The following HMCN1 variants were observed in gnomAD, a reference collection of about 807,000 sequenced individuals.
HMCN1 encodes hemicentin 1.
Under a neutral mutation model 625.9 loss-of-function variants are expected in HMCN1, and 321 were observed. The observed-to-expected ratio is 0.51, with a 90% CI of 0.47 to 0.56. HMCN1 has a LOEUF of 0.56. Among genes scored for constraint, HMCN1 ranks in the 20% least tolerant of loss-of-function variants. The pLI is 0.00. For synonymous variants in HMCN1, 2,425 were observed against 2,417.6 expected (o/e 1.00, Z -0.09); for missense variants, 6,588 against 6,887.3 (o/e 0.96, Z 1.54).
chr1:186,158,569 G>A (rs1384523726), intron 97 of HMCN1, among the ~76,000 whole-genome samples: 1 of 152,082 alleles, frequency 6.6e-6, no homozygotes, highest in Non-Finnish European at 1.5e-5. Flanking sequence ...ATGGTTTTAG[G>A]TCTAACGTTT....
intron 68 of HMCN1, among the ~76,000 whole-genome samples, chr1:186,100,722 A>G (rs562350992): frequency 6.6e-6 from 1 of 152,294 alleles, no homozygotes; most frequent in South Asian, 2.1e-4. Flanking sequence ...CAGAGTTGAA[A>G]TATGGTGGGT....
intron 83 of HMCN1, 98 bp from the exon 84 acceptor site, chr1:186,129,868 C>A: frequency 6.9e-7 from 1 of 1,440,614 alleles, no homozygotes; most frequent in Non-Finnish European, 9.7e-7. Context: ...GGTTCAATTG[C>A]TGACCAACTC....
chr1:185,946,078 G>A (rs1397884703), intron 11 of HMCN1, among the ~76,000 whole-genome samples: 1 of 152,200 alleles, frequency 6.6e-6, no homozygotes, highest in African/African-American at 2.4e-5. Flanking sequence ...GAAGGAAGAA[G>A]TGTGGGAGTC....
In HMCN1 at chr1:185,846,116, G is replaced by A; in HGVS notation, c.339+20G>A. On this transcript the variant is annotated intron_variant, in intron 2 of 106. Coordinates refer to ENST00000271588, the MANE Select transcript of HMCN1 (RefSeq NM_031935.3). ...GTTCAGGTGAGTGCTTGCTTTCAGTGTTCTCTTGGGGGAATGGAAAATCAT... is the reference window on the plus strand; with the variant it reads ...GTTCAGGTGAGTGCTTGCTTTCAGTATTCTCTTGGGGGAATGGAAAATCAT... 6.5e-7 allele frequency: 1 copy of A among 1,538,546 alleles called. No individual in the cohort carries two copies. Among genetic ancestry groups the A allele is most frequent in the Non-Finnish European group, 9.0e-7 (1 of 1,111,662 alleles).
intron 46 of HMCN1, among the ~76,000 whole-genome samples, chr1:186,057,827 A>G (rs1657440915): frequency 6.6e-6 from 1 of 152,004 alleles, no homozygotes; most frequent in Non-Finnish European, 1.5e-5. Context: ...ACATTTCTAA[A>G]ATGGGTAGTT....
At chr1:186,130,826 C>A (rs1010154296) in intron 85 of HMCN1, 129 bp downstream of exon 85, 34 of 895,320 alleles carry the variant, frequency 3.8e-5, no homozygotes, top group Admixed American at 1.4e-4. Context: ...CAAATAACTC[C>A]TTTTAAAAAA....
At chr1:185,872,548 G>A (rs184586844) in intron 4 of HMCN1, among the ~76,000 whole-genome samples, 11 of 152,156 alleles carry the variant, frequency 7.2e-5, no homozygotes, top group African/African-American at 2.4e-4. Context: ...ACAAATGTTG[G>A]GGGGAGAGGA....
chr1:186,045,853 G>T lies in HMCN1; in HGVS notation c.6470G>T (p.Ser2157Ile), dbSNP rs761567518. The part of the protein sequence containing the change: ...KPGLSISENR[S>I]VLKIEDAQVQ... The stretch of plus-strand genomic sequence containing the variant: ...GGCCTCAGTATATCTGAAAATAGAA[G>T]TGTGTTAAAGGTAAGGATATGGATT... Residue 2157 changes from serine to isoleucine, a missense_variant, in exon 41 of 107, where the codon AGT becomes ATT. Transcript: ENST00000271588. 3.7e-6 allele frequency: 6 copies of T among 1,610,274 alleles called. No homozygotes were observed. The Admixed American group carries it at 8.3e-5, about 22-fold the overall frequency.
At position 186,076,574 on chromosome 1, in the gene HMCN1, A is replaced by T. The variant is rs1346945877; in HGVS notation, c.8437A>T (p.Lys2813Ter). ...TCCCCCTCCTACACTGACATGGTAC[A>T]AAGATGGCCACCCTCTGACCTCAAG... is the stretch of plus-strand genomic sequence containing the variant. ...AAPPPTLTWY[K>*]DGHPLTSSDK... Residue 2813 changes from lysine (K) to a stop codon, truncating the protein, a stop_gained, in exon 54 of 107, where the codon AAA becomes TAA. Transcript: ENST00000271588. LOFTEE classifies it high-confidence loss of function. The T allele has an allele frequency of 3.1e-6, 5 of 1,613,852 alleles. No individual in the cohort carries two copies. Among genetic ancestry groups the T allele is most frequent in the Non-Finnish European group, 4.2e-6 (5 of 1,179,804 alleles).
At chr1:185,912,946 A>G (rs1666510721) in intron 6 of HMCN1, among the ~76,000 whole-genome samples, 1 of 152,138 alleles carries the variant, frequency 6.6e-6, no homozygotes, top group Admixed American at 6.6e-5. Flanking sequence ...TTCAAATTAT[A>G]GAGCTGCTGT....
At position 185,809,381 on chromosome 1, in the gene HMCN1, C is replaced by T. The variant is rs1034272968; in HGVS notation, c.269-36645C>T. ...CATTAACAATGAATTTGAATACACA[C>T]ACACACAACATACATGTGATTATAT... On this transcript the variant is annotated intron_variant, in intron 1 of 106. Coordinates refer to ENST00000271588, the MANE Select transcript of HMCN1 (RefSeq NM_031935.3). 1.3e-4 allele frequency among the ~76,000 whole-genome samples: 20 copies of T among 152,092 alleles called. 1 individual carries two copies. Among genetic ancestry groups the T allele is most frequent in the Admixed American group, 6.6e-4 (10 of 15,260 alleles).
chr1:186,045,223 A>G (rs987321197), intron 40 of HMCN1, among the ~76,000 whole-genome samples: 1 of 152,190 alleles, frequency 6.6e-6, no homozygotes. Context: ...GCACGCTGCG[A>G]GATGGGACTG....
At chr1:186,054,075 C>A in intron 44 of HMCN1, 89 bp downstream of exon 44, 1 of 1,267,120 alleles carries the variant, frequency 7.9e-7, no homozygotes, top group South Asian at 1.2e-5. Flanking sequence ...CTTTAATGTT[C>A]ATTCAAAATG....
chr1:185,853,578 C>A (rs1022767455), intron 2 of HMCN1, among the ~76,000 whole-genome samples: 1 of 152,072 alleles, frequency 6.6e-6, no homozygotes, highest in African/African-American at 2.4e-5. Context: ...GAGGGACAAA[C>A]CATCCTACAT....
rs748479306 is a variant in HMCN1, at chr1:185,928,599, G to C, written c.1484G>C (p.Gly495Ala). 1.5e-5 allele frequency: 24 copies of C among 1,613,352 alleles called. No homozygotes were observed. The highest frequency in any genetic ancestry group is 2.5e-6 in the Non-Finnish European group (3 of 1,179,460). The change falls in exon 10 of 107, where the codon GGT (glycine) becomes GCT (alanine). Residue 495 changes from glycine (G) to alanine (A), a missense_variant. Coordinates refer to ENST00000271588, the MANE Select transcript of HMCN1 (RefSeq NM_031935.3). ...GCAAAGGTCACTTTGTCTGACGAAG[G>C]TTTCTATGAATGCATTGCTGTCAGC... Reference protein sequence around the residue: ...DIAKVTLSDEGFYECIAVSSA... With the variant: ...DIAKVTLSDEAFYECIAVSSA...
At chr1:185,784,624 G>A (rs1198221783) in intron 1 of HMCN1, among the ~76,000 whole-genome samples, 1 of 152,078 alleles carries the variant, frequency 6.6e-6, no homozygotes, top group African/African-American at 2.4e-5. Context: ...AGACTTGGTG[G>A]AAATTTCTGA....
chr1:186,003,407 T>C (rs974453555), intron 28 of HMCN1, among the ~76,000 whole-genome samples: 3 of 152,124 alleles, frequency 2.0e-5, no homozygotes, highest in Non-Finnish European at 2.9e-5. Flanking sequence ...CAAATTACAT[T>C]TGCATCACTG....
chr1:185,921,211 A>G (rs1408612763), intron 6 of HMCN1, among the ~76,000 whole-genome samples: 5 of 152,198 alleles, frequency 3.3e-5, no homozygotes, highest in Admixed American at 6.5e-5. Context: ...TAGCTGCATC[A>G]TTTATGCTAA....
rs771562191 is a variant in HMCN1, at chr1:186,016,113, C to A, written c.5065C>A (p.Arg1689Ser). 6 of 1,613,348 alleles carry A rather than the reference C, an allele frequency of 3.7e-6. No homozygotes were observed. Among genetic ancestry groups the A allele is most frequent in the Non-Finnish European group, 5.1e-6 (6 of 1,179,564 alleles). Reference protein sequence around the residue: ...GVPVKANDNIRIEAGGKKLEI... With the variant: ...GVPVKANDNISIEAGGKKLEI... ...ACCTGTGAAAGCTAATGACAATATC[C>A]GCATAGAAGCTGGTGGGAAGAAACT... The change falls in exon 32 of 107, where the codon CGC (arginine) becomes AGC (serine). Residue 1689 changes from arginine (R) to serine (S), a missense_variant. Arg to Ser is a moderately radical substitution (Grantham distance 110, BLOSUM62 -1). Coordinates refer to ENST00000271588, the MANE Select transcript of HMCN1 (RefSeq NM_031935.3).
Sources: allele counts gnomAD v4.1 joint callset (sites outside exome capture counted in the v4.1 genomes callset), GRCh38; gene constraint gnomAD v4.1.1; transcripts MANE v1.5; gene names NCBI Gene and HGNC (gene_info 2026-07-23, HGNC 2026-07-21).